Variants in CCDC6 observed in about 807,000 individuals in gnomAD.
CCDC6 encodes coiled-coil domain-containing protein 6.
In CCDC6, 20 loss-of-function variants were observed where a neutral mutation model predicts 56.6. The ratio of observed to expected loss-of-function variants is 0.35; its 90% confidence interval spans 0.25 to 0.51. CCDC6 has a LOEUF of 0.51. Ranked by LOEUF, CCDC6 falls within the 20% of genes least tolerant of loss-of-function variation. The pLI is 0.95. For missense variants in CCDC6, 367 were observed against 601.1 expected, an observed-to-expected ratio of 0.61 and a Z score of 4.07; for synonymous variants, 241 against 234.4, an observed-to-expected ratio of 1.03 and a Z score of -0.26.
intron 1 of CCDC6, among the ~76,000 whole-genome samples, chr10:59,870,870 A>C (rs1234486091): frequency 6.6e-6 from 1 of 152,220 alleles, no homozygotes; most frequent in Non-Finnish European, 1.5e-5. Flanking sequence ...GGAGGAGTCA[A>C]CCACCAGCCC....
chr10:59,843,465 C>T (rs1293263873), intron 2 of CCDC6, among the ~76,000 whole-genome samples: 1 of 152,216 alleles, frequency 6.6e-6, no homozygotes, highest in Non-Finnish European at 1.5e-5. Context: ...TTTCCAGTTT[C>T]CTGCCAAAGA....
intron 1 of CCDC6, among the ~76,000 whole-genome samples, chr10:59,864,953 T>C (rs1589054093): frequency 6.6e-6 from 1 of 152,328 alleles, no homozygotes; most frequent in African/African-American, 2.4e-5. Context: ...GTGTTCTGTG[T>C]TTGTGATTCA....
rs762210060 is a variant in CCDC6 at position 59,792,941 on chromosome 10, C to T, written c.1401G>A (p.Ser467=). ...ATTAAGGCTGGGAGGAGGGGTGCGC[C>T]GAATGTTGCGAAGGAGTAGGCTGCG... ...ATSQPTPSQH[S]AHPSSQP Residue 467 remains serine, a synonymous_variant, in exon 9 of 9, where the codon TCG becomes TCA. Transcript: ENST00000263102. The T allele has an allele frequency of 8.1e-6, 13 of 1,610,054 alleles. No homozygotes were observed. The highest frequency in any genetic ancestry group is 1.1e-5 in the South Asian group (1 of 90,288).
intron 7 of CCDC6, among the ~76,000 whole-genome samples, chr10:59,794,855 G>A (rs992591617): frequency 5.3e-5 from 8 of 152,056 alleles, no homozygotes; most frequent in Admixed American, 3.3e-4. Flanking sequence ...AATACACAAC[G>A]GGGAAAGAGA....
chr10:59,807,842 C>A (rs527320565), intron 5 of CCDC6, among the ~76,000 whole-genome samples: 2 of 152,148 alleles, frequency 1.3e-5, no homozygotes, highest in Non-Finnish European at 2.9e-5. Flanking sequence ...TCTAGGGGAG[C>A]CTGTGACACT....
chr10:59,900,399 G>A (rs117492729), intron 1 of CCDC6, among the ~76,000 whole-genome samples: 2,539 of 152,282 alleles, frequency 0.017, 29 homozygotes, highest in Middle Eastern at 0.048. Context: ...TTAAGGGGAC[G>A]AGCGGCACCA....
chr10:59,906,518 G>T lies in CCDC6; in HGVS notation c.-94C>A. The T allele has an allele frequency of 1.7e-6, 2 of 1,153,558 alleles. No individual in the cohort carries two copies. The highest frequency in any genetic ancestry group is 2.3e-6 in the Non-Finnish European group (2 of 864,578). 71.5% of individuals were successfully genotyped at this position (1,153,558 alleles called of 1,614,324 possible). The stretch of plus-strand genomic sequence containing the variant: ...ATGAGTGGGCGCCGGGCGAGCACAG[G>T]GGAGCGCCGAGCTGAGCGCCTGGCA... On this transcript the variant is annotated 5_prime_UTR_variant, in exon 1 of 9. Coordinates refer to ENST00000263102, the MANE Select transcript of CCDC6 (RefSeq NM_005436.5).
intron 2 of CCDC6, among the ~76,000 whole-genome samples, chr10:59,843,388 G>A (rs866911350): frequency 3.9e-5 from 6 of 152,130 alleles, no homozygotes; most frequent in African/African-American, 1.2e-4. Context: ...AATTTCAAAC[G>A]TATTGCCCTA....
chr10:59,859,199 C>CGTGTGCGTGT (rs1554885848), intron 1 of CCDC6, among the ~76,000 whole-genome samples: 2 of 137,188 alleles, frequency 1.5e-5, no homozygotes, highest in African/African-American at 5.4e-5. Context: ...CATGTGTGTG[C>CGTGTGCGTGT]GTGTGTGTGT....
chr10:59,807,155 C>T, intron 5 of CCDC6, 77 bp from the exon 6 acceptor site: 1 of 1,309,992 alleles, frequency 7.6e-7, no homozygotes, highest in Non-Finnish European at 1.1e-6. Context: ...GACTTCAGTT[C>T]AGCCCCTATG....
chr10:59,887,818 T>C (rs1488781931), intron 1 of CCDC6, among the ~76,000 whole-genome samples: 2 of 152,092 alleles, frequency 1.3e-5, no homozygotes, highest in Non-Finnish European at 2.9e-5. Flanking sequence ...ACCCTTTTTT[T>C]AACCTCCTCC....
At chr10:59,830,051 T>G (rs1359785374) in intron 3 of CCDC6, among the ~76,000 whole-genome samples, 1 of 152,194 alleles carries the variant, frequency 6.6e-6, no homozygotes, top group Non-Finnish European at 1.5e-5. Flanking sequence ...AGAGGACCAC[T>G]CACCATTCAC....
chr10:59,885,922 G>GC (rs746911710), intron 1 of CCDC6, among the ~76,000 whole-genome samples: 3 of 19,824 alleles, frequency 1.5e-4, no homozygotes, highest in African/African-American at 3.5e-4. Context: ...CCCGCCCCCC[G>GC]CCCCCCCAAC....
At chr10:59,856,940 G>A (rs569839830) in intron 1 of CCDC6, among the ~76,000 whole-genome samples, 2 of 152,226 alleles carry the variant, frequency 1.3e-5, no homozygotes, top group East Asian at 1.9e-4. Context: ...CCTTTTGTAC[G>A]GTAGACTGGG....
Position 59,906,235 on chromosome 10 carries a change from C to T in CCDC6, c.190G>A (p.Ala64Thr). 6.2e-7 allele frequency: 1 copy of T among 1,613,530 alleles called. No homozygotes were observed. Among genetic ancestry groups the T allele is most frequent in the Non-Finnish European group, 8.5e-7 (1 of 1,179,820 alleles). The change falls in exon 1 of 9, where the codon GCC becomes ACC. Residue 64 changes from alanine to threonine, a missense_variant. This residue lies in a region of CCDC6 where 41 missense variants were observed against 90.8 expected (regional missense o/e 0.45). Coordinates refer to ENST00000263102, the MANE Select transcript of CCDC6 (RefSeq NM_005436.5). Reference protein sequence around the residue: ...FRLEELTNRLASLQQENKVLK... With the variant: ...FRLEELTNRLTSLQQENKVLK... ...ACCTTGTTCTCTTGCTGCAGCGAGG[C>T]CAGGCGGTTGGTGAGCTCCTCCAGG...
At chr10:59,905,445 C>A (rs115697713) in intron 1 of CCDC6, among the ~76,000 whole-genome samples, 29 of 152,324 alleles carry the variant, frequency 1.9e-4, no homozygotes, top group African/African-American at 6.7e-4. Context: ...CGGCCCCAGC[C>A]CTGTCCAGGC....
intron 2 of CCDC6, among the ~76,000 whole-genome samples, chr10:59,850,743 T>C (rs2132655491): frequency 6.6e-6 from 1 of 152,320 alleles, no homozygotes; most frequent in South Asian, 2.1e-4. Context: ...GATATAAGAA[T>C]TATGAAAACA....
chr10:59,880,924 C>A (rs2071328624), intron 1 of CCDC6, among the ~76,000 whole-genome samples: 1 of 152,192 alleles, frequency 6.6e-6, no homozygotes, highest in South Asian at 2.1e-4. Context: ...AGTGCCACCT[C>A]TGTGCAACTC....
At chr10:59,906,077 G>A (rs1474492291) in intron 1 of CCDC6, 45 bp downstream of exon 1, 3 of 1,496,820 alleles carry the variant, frequency 2.0e-6, no homozygotes, top group South Asian at 2.6e-5. Context: ...CCCTCCCGGG[G>A]CGGGCGGAGG....
Sources: allele counts gnomAD v4.1 joint callset (sites outside exome capture counted in the v4.1 genomes callset), GRCh38; gene constraint gnomAD v4.1.1; regional missense constraint gnomAD v4.1.1; transcripts MANE v1.5; gene names NCBI Gene and HGNC (gene_info 2026-07-23, HGNC 2026-07-21).